SPDYE5: variants seen among roughly 807,000 people sequenced by gnomAD.
The protein encoded by SPDYE5 is speedy protein E5.
Under a neutral mutation model 48.5 loss-of-function variants are expected in SPDYE5, and 15 were observed. That is an observed-to-expected ratio of 0.31 (90% CI 0.21 to 0.48). The LOEUF (loss-of-function observed/expected upper bound fraction) is 0.48, where lower values mean the gene tolerates loss of function less well. SPDYE5 is among the 20% of genes least tolerant of loss of function. The pLI is 0.99. For missense variants in SPDYE5, 331 were observed against 549.1 expected (o/e 0.60, Z 3.97); for synonymous variants, 116 against 200.7 (o/e 0.58, Z 3.57).
chr7:75,495,580 G>C (rs1372759503), intron 3 of SPDYE5, among the ~76,000 whole-genome samples: 2 of 152,266 alleles, frequency 1.3e-5, no homozygotes, highest in Non-Finnish European at 2.9e-5. Context: ...CGCTTGGGAT[G>C]AGAAAGCTTG....
In SPDYE5 at chr7:75,502,991, T is replaced by A. The variant is rs199853637; in HGVS notation, c.*204T>A. ...GAATACAGTGATCACGTTGTCCTCC[T>A]AGGAGCAGGGGTGGGGGGAGGGGGG... On this transcript the variant is annotated 3_prime_UTR_variant, in exon 9 of 9. Transcript: ENST00000625065. 181 of 453,864 alleles carry A rather than the reference T, an allele frequency of 4.0e-4. 2 individuals carry two copies. Among genetic ancestry groups the A allele is most frequent in the Middle Eastern group, 1.6e-3 (2 of 1,290 alleles). 28.1% of individuals were successfully genotyped at this position (453,864 alleles called of 1,614,324 possible).
At chr7:75,497,534 C>T (rs1182122066) in intron 4 of SPDYE5, among the ~76,000 whole-genome samples, 17 of 149,322 alleles carry the variant, frequency 1.1e-4, no homozygotes, top group Admixed American at 7.3e-4. Context: ...AACTTAATGT[C>T]TCTTACTGAC....
At chr7:75,498,674 T>TCACTAG (rs1333884145) in intron 5 of SPDYE5, among the ~76,000 whole-genome samples, 2 of 152,190 alleles carry the variant, frequency 1.3e-5, no homozygotes, top group African/African-American at 2.4e-5. Context: ...GTTCTAGAAC[T>TCACTAG]GTTGGGCTCA....
At chr7:75,492,233 C>G (rs782539734), upstream of SPDYE5, among the ~76,000 whole-genome samples, 3 of 152,066 alleles carry the variant, frequency 2.0e-5, no homozygotes. Flanking sequence ...AGAGAGCAAA[C>G]GATTTTGTTG....
At position 75,495,167 on chromosome 7, in the gene SPDYE5, G is replaced by T. The variant is rs1554482313; in HGVS notation, c.172G>T (p.Asp58Tyr). The T allele has an allele frequency of 1.9e-6, 3 of 1,596,666 alleles. No homozygotes were observed. The highest frequency in any genetic ancestry group is 2.2e-5 in the South Asian group (2 of 90,898). The change falls in exon 3 of 9, where the codon GAT (aspartate) becomes TAT (tyrosine). Residue 58 changes from aspartate (D) to tyrosine (Y), a missense_variant. Transcript: ENST00000625065. ...GTTTCTTTACTCAGCCCCTGGGGTAGATCCCAGCCCCCCATGTAGGTCCCT... is the reference window on the plus strand; with the variant it reads ...GTTTCTTTACTCAGCCCCTGGGGTATATCCCAGCCCCCCATGTAGGTCCCT... ...EVLGPSAPGV[D>Y]PSPPCRSLGW...
At chr7:75,502,130 G>A in intron 8 of SPDYE5, 148 bp downstream of exon 8, 1 of 1,140,426 alleles carries the variant, frequency 8.8e-7, no homozygotes, top group Non-Finnish European at 1.2e-6. Context: ...AGGCGATGTG[G>A]GAGGCATCTC....
rs1314404155 is a variant in SPDYE5, at chr7:75,495,468, C to A, written c.379+94C>A. 4 of 1,560,508 alleles carry A rather than the reference C, an allele frequency of 2.6e-6. No individual in the cohort carries two copies. The Admixed American group carries it at 5.6e-5, about 22-fold the overall frequency. On this transcript the variant is annotated intron_variant, in intron 3 of 8. Coordinates refer to ENST00000625065, the MANE Select transcript of SPDYE5 (RefSeq NM_001306141.4). The stretch of plus-strand genomic sequence containing the variant: ...CACTTTTCCAATGGGAAAGATACGC[C>A]CCCCGTGGGTGAGCTCTCCACGCAG...
Position 75,503,134 on chromosome 7 carries a change from G to A in SPDYE5, c.*347G>A, listed in dbSNP as rs1421497818. 3.1e-5 allele frequency: 14 copies of A among 452,334 alleles called. No homozygotes were observed. The highest frequency in any genetic ancestry group is 8.0e-5 in the South Asian group (5 of 62,154). The allele number at this position is 452,334 out of a possible 1,614,324, so 28.0% of individuals were successfully genotyped here. On this transcript the variant is annotated 3_prime_UTR_variant, in exon 9 of 9. Coordinates refer to ENST00000625065, the MANE Select transcript of SPDYE5 (RefSeq NM_001306141.4). ...TGCTGAATTCCAACCTCCCTGGGGC[G>A]GAACCTGGAGGTCCTGTTTCTTATG... is the stretch of plus-strand genomic sequence containing the variant.
Position 75,504,182 on chromosome 7 carries a change from G to A in SPDYE5, c.*1395G>A, listed in dbSNP as rs1478100379. On this transcript the variant is annotated 3_prime_UTR_variant, in exon 9 of 9. Transcript: ENST00000625065. ...GTAATTTTTTACCTTGTTTTGGCAT[G>A]TTTGTATGTTACTTTAAAGAGGATG... 2.0e-5 allele frequency: 3 copies of A among 152,072 alleles called. No homozygotes were observed. The highest frequency in any genetic ancestry group is 7.2e-5 in the African/African-American group (3 of 41,390). 9.4% of individuals were successfully genotyped at this position (152,072 alleles called of 1,614,324 possible).
intron 1 of SPDYE5, among the ~76,000 whole-genome samples, chr7:75,493,132 T>G (rs1424585079): frequency 1.4e-4 from 21 of 151,970 alleles, no homozygotes; most frequent in Middle Eastern, 3.2e-3. Context: ...TTTGTACATG[T>G]GATATTTTAT....
chr7:75,502,124 G>A lies in SPDYE5; in HGVS notation c.*45+142G>A, dbSNP rs1196263398. The A allele has an allele frequency of 1.3e-5, 14 of 1,103,494 alleles. 1 individual carries two copies. The highest frequency in any genetic ancestry group is 9.5e-5 in the African/African-American group (6 of 63,404). 68.4% of individuals were successfully genotyped at this position (1,103,494 alleles called of 1,614,324 possible). ...ACAAAAATACAAAAATTAGCCAGGC[G>A]ATGTGGGAGGCATCTCTACTCCCAA... On this transcript the variant is annotated intron_variant, in intron 8 of 8. Coordinates refer to ENST00000625065, the MANE Select transcript of SPDYE5 (RefSeq NM_001306141.4).
chr7:75,496,695 C>T lies in SPDYE5; in HGVS notation c.401C>T (p.Pro134Leu), dbSNP rs782270502. ...SQLAPGVDPS[P>L]PHRSFCWKRK... Reference sequence around the variant, plus strand: ...TCAGCCCCTGGGGTAGATCCCAGCCCCCCGCATAGGTCCTTTTGCTGGAAA... The same window carrying T: ...TCAGCCCCTGGGGTAGATCCCAGCCTCCCGCATAGGTCCTTTTGCTGGAAA... Residue 134 changes from proline (P) to leucine (L), a missense_variant, in exon 4 of 9, where the codon CCC becomes CTC. Around this residue, in one of 8 missense-constraint regions of SPDYE5, gnomAD observed 65 missense variants for 138.2 expected, o/e 0.47. Coordinates refer to ENST00000625065, the MANE Select transcript of SPDYE5 (RefSeq NM_001306141.4). The T allele has an allele frequency of 1.5e-5, 24 of 1,597,114 alleles. No homozygotes were observed. The South Asian group carries it at 2.1e-4, about 14-fold the overall frequency.
At chr7:75,493,109 T>G (rs1792796519) in intron 1 of SPDYE5, among the ~76,000 whole-genome samples, 1 of 152,210 alleles carries the variant, frequency 6.6e-6, no homozygotes, top group African/African-American at 2.4e-5. Flanking sequence ...GCTGAAATTT[T>G]CGACTTAGTC....
chr7:75,502,195 C>T (rs1457525014), intron 8 of SPDYE5, among the ~76,000 whole-genome samples: 5 of 150,114 alleles, frequency 3.3e-5, no homozygotes, highest in African/African-American at 9.8e-5. Flanking sequence ...CCTGGAAGGT[C>T]GGGGCTGCAC....
chr7:75,498,344 G>C (rs1584740045), intron 5 of SPDYE5, among the ~76,000 whole-genome samples: 1 of 151,906 alleles, frequency 6.6e-6, no homozygotes, highest in East Asian at 1.9e-4. Flanking sequence ...GGTTGGTCCT[G>C]AACACCTGAC....
chr7:75,501,321 T>C (rs781789339), intron 6 of SPDYE5, 41 bp from the exon 7 acceptor site: 12 of 1,611,192 alleles, frequency 7.4e-6, no homozygotes, highest in Admixed American at 1.7e-5. Context: ...GAGGCCTCTC[T>C]TGGTGGTGCC....
chr7:75,500,913 G>T (rs1269357403), intron 6 of SPDYE5, among the ~76,000 whole-genome samples: 2 of 152,142 alleles, frequency 1.3e-5, no homozygotes, highest in Admixed American at 6.5e-5. Context: ...TCTCCGTGTT[G>T]ACCAGGCTGG....
rs3926478 is a variant in SPDYE5 at position 75,493,899 on chromosome 7, A to C, written c.-149A>C. 6.8e-7 allele frequency: 1 copy of C among 1,467,500 alleles called. No individual in the cohort carries two copies. The highest frequency in any genetic ancestry group is 9.0e-7 in the Non-Finnish European group (1 of 1,113,542). 90.9% of individuals were successfully genotyped at this position (1,467,500 alleles called of 1,614,324 possible). On this transcript the variant is annotated 5_prime_UTR_variant, in exon 2 of 9. Coordinates refer to ENST00000625065, the MANE Select transcript of SPDYE5 (RefSeq NM_001306141.4). ...AGCGATGACATCAGAGATTCCGACC[A>C]TCCTGATTGGAGGGACCGGACTCCG...
rs199566237 is a variant in SPDYE5 at position 75,501,698 on chromosome 7, C to G, written c.1092C>G (p.Phe364Leu). 2 of 1,613,370 alleles carry G rather than the reference C, an allele frequency of 1.2e-6. No homozygotes were observed. Among genetic ancestry groups the G allele is most frequent in the Admixed American group, 3.3e-5 (2 of 60,032 alleles). The change falls in exon 7 of 9, where the codon TTC becomes TTG. Residue 364 changes from phenylalanine (F) to leucine (L), a missense_variant. Physicochemically the swap from Phe to Leu is conservative, Grantham distance 22 (BLOSUM62 0). Around this residue, in one of 8 missense-constraint regions of SPDYE5, gnomAD observed 101 missense variants for 104.0 expected, o/e 0.97. Coordinates refer to ENST00000625065, the MANE Select transcript of SPDYE5 (RefSeq NM_001306141.4). ...SQIVLFQKRR[F>L]QFFCSMSGRA... is the part of the protein sequence containing the mutation. ...TAGTCCTGTTCCAGAAACGTCGGTT[C>G]CAGTTCTTCTGTTCCATGAGCGGCA...
Sources: allele counts gnomAD v4.1 joint callset (sites outside exome capture counted in the v4.1 genomes callset), GRCh38; gene constraint gnomAD v4.1.1; regional missense constraint gnomAD v4.1.1; transcripts MANE v1.5; gene names NCBI Gene and HGNC (gene_info 2026-07-23, HGNC 2026-07-21).